NBAS: variants seen among roughly 807,000 people sequenced by gnomAD.
NBAS encodes the protein NAG/BC035112 fusion.
Under a neutral mutation model 302.5 loss-of-function variants are expected in NBAS, and 219 were observed. The ratio of observed to expected loss-of-function variants is 0.72; its 90% CI spans 0.65 to 0.81. The LOEUF (loss-of-function observed/expected upper bound fraction) is 0.81, where lower values mean the gene tolerates loss of function less well. Among genes scored for constraint, NBAS ranks in the 30% least tolerant of loss-of-function variants. The pLI is 0.00. For missense variants in NBAS, 2,932 were observed against 2,841.6 expected (o/e 1.03, Z -0.72); for synonymous variants, 1,118 against 1,021.6 (o/e 1.09, Z -1.80).
At chr2:15,280,021 GA>G (rs910842657) in intron 42 of NBAS, among the ~76,000 whole-genome samples, 1 of 152,102 alleles carries the variant, frequency 6.6e-6, no homozygotes, top group Non-Finnish European at 1.5e-5. Context: ...GATTTTTCCT[GA>G]ACCAAGTTTT....
intron 16 of NBAS, 22 bp downstream of exon 16, chr2:15,473,199 AT>A: frequency 6.2e-7 from 1 of 1,612,688 alleles, no homozygotes; most frequent in Non-Finnish European, 8.5e-7. Flanking sequence ...ATTTTACCAC[AT>A]TACCAAAATA....
chr2:15,073,053 A>C, the NBAS span, among the ~76,000 whole-genome samples: 1 of 152,250 alleles, frequency 6.6e-6, no homozygotes, highest in Non-Finnish European at 1.5e-5. Context: ...AGCCTGGGAA[A>C]ATGGAGGCCA....
intron 13 of NBAS, among the ~76,000 whole-genome samples, chr2:15,476,082 C>T (rs1255685424): frequency 6.6e-6 from 1 of 152,118 alleles, no homozygotes; most frequent in East Asian, 1.9e-4. Context: ...ATTCCCTTGA[C>T]AAATTGAGCG....
the NBAS span, among the ~76,000 whole-genome samples, chr2:14,812,908 A>G: frequency 6.6e-6 from 1 of 152,070 alleles, no homozygotes; most frequent in African/African-American, 2.4e-5. Flanking sequence ...ATGGTTTAGC[A>G]CCATCCCCCA....
intron 40 of NBAS, among the ~76,000 whole-genome samples, chr2:15,300,716 T>A (rs1242707481): frequency 6.6e-6 from 1 of 152,182 alleles, no homozygotes; most frequent in Non-Finnish European, 1.5e-5. Context: ...GTTGCCACAC[T>A]GAGCGGAGAG....
the NBAS span, among the ~76,000 whole-genome samples, chr2:15,109,082 A>C: frequency 6.6e-6 from 1 of 152,154 alleles, no homozygotes; most frequent in Non-Finnish European, 1.5e-5. Flanking sequence ...ACTTCGGCTA[A>C]TGTCCAGAAA....
chr2:15,374,368 A>G (rs1157922409), intron 31 of NBAS, among the ~76,000 whole-genome samples: 1 of 152,100 alleles, frequency 6.6e-6, no homozygotes, highest in African/African-American at 2.4e-5. Context: ...TACCGATGTT[A>G]TTTCTTTAAA....
At chr2:15,107,937 G>A in the NBAS span, among the ~76,000 whole-genome samples, 1 of 152,070 alleles carries the variant, frequency 6.6e-6, no homozygotes, top group Non-Finnish European at 1.5e-5. Context: ...GAATCATATA[G>A]TATCTGGTCT....
chr2:15,321,121 C>A (rs1352377683), intron 38 of NBAS, among the ~76,000 whole-genome samples: 2 of 152,138 alleles, frequency 1.3e-5, no homozygotes, highest in Non-Finnish European at 2.9e-5. Context: ...CTTTGACAAA[C>A]CTGACAAAAA....
chr2:15,184,634 T>C (rs1242803045), intron 50 of NBAS, among the ~76,000 whole-genome samples: 1 of 152,164 alleles, frequency 6.6e-6, no homozygotes, highest in Non-Finnish European at 1.5e-5. Flanking sequence ...CAGCTGTAAA[T>C]ACAGATGAAG....
chr2:15,287,136 C>T lies in NBAS; in HGVS notation c.5075G>A (p.Arg1692His), dbSNP rs757777200. ...VYSIAISLAQRYSVSRWEVFM... is the reference protein window; with the variant it reads ...VYSIAISLAQHYSVSRWEVFM... ...AACTTCCCAGCGGGAGACACTGTAA[C>T]GTTGTGCCAGAGAAATAGCAATGCT... Residue 1692 changes from arginine (R) to histidine (H), a missense_variant, in exon 42 of 52, where the codon CGT (arginine) becomes CAT (histidine). Coordinates refer to ENST00000281513, the MANE Select transcript of NBAS (RefSeq NM_015909.4). The T allele has an allele frequency of 1.4e-5, 23 of 1,614,064 alleles. No individual in the cohort carries two copies. The East Asian group carries it at 4.0e-4, about 28-fold the overall frequency.
the NBAS span, among the ~76,000 whole-genome samples, chr2:15,042,464 CAACA>C: frequency 6.6e-6 from 1 of 152,088 alleles, no homozygotes; most frequent in Admixed American, 6.5e-5. Context: ...GTGAAATGAA[CAACA>C]ATCAGGCTAA....
At chr2:15,102,524 T>C in the NBAS span, among the ~76,000 whole-genome samples, 30 of 152,336 alleles carry the variant, frequency 2.0e-4, no homozygotes, top group Non-Finnish European at 3.5e-4. Flanking sequence ...TGCTCTTATC[T>C]AAATTCCCCT....
rs530483614 is a variant in NBAS at position 15,238,674 on chromosome 2, C to T, written c.5737G>A (p.Ala1913Thr). The T allele has an allele frequency of 1.9e-6, 3 of 1,572,234 alleles. No homozygotes were observed. Among genetic ancestry groups the T allele is most frequent in the African/African-American group, 1.6e-5 (1 of 61,436 alleles). The change falls in exon 45 of 52, where the codon GCC (alanine) becomes ACC (threonine). Residue 1913 changes from alanine to threonine, a missense_variant. By Grantham distance (58) the Ala-to-Thr change is moderately conservative. Transcript: ENST00000281513. ...PKAVTKLSVE[A>T]RKEMTRKAIK... ...GCCTTTCTAGTCATCTCTTTACGGG[C>T]TTCCACAGACAGCTTAAAAAAAAGA... is the stretch of plus-strand genomic sequence containing the variant.
chr2:15,093,640 A>G, the NBAS span, among the ~76,000 whole-genome samples: 28 of 152,238 alleles, frequency 1.8e-4, no homozygotes, highest in African/African-American at 6.5e-4. Flanking sequence ...AAGGAACTTT[A>G]TCAGTGTTAT....
chr2:15,499,427 A>C (rs561697839), intron 11 of NBAS, among the ~76,000 whole-genome samples: 1 of 152,238 alleles, frequency 6.6e-6, no homozygotes, highest in African/African-American at 2.4e-5. Context: ...TGCAGCCCTA[A>C]AAAAGAACAA....
chr2:15,369,337 A>G (rs965747534), intron 31 of NBAS, among the ~76,000 whole-genome samples: 1 of 152,130 alleles, frequency 6.6e-6, no homozygotes. Context: ...GAAACCACAC[A>G]TAGCAATGGA....
the NBAS span, among the ~76,000 whole-genome samples, chr2:15,046,605 T>C: frequency 2.0e-5 from 3 of 152,204 alleles, no homozygotes; most frequent in Non-Finnish European, 4.4e-5. Flanking sequence ...TCTATTTTTA[T>C]TTTATATATT....
At chr2:14,797,799 G>A in the NBAS span, among the ~76,000 whole-genome samples, 2 of 152,176 alleles carry the variant, frequency 1.3e-5, no homozygotes, top group African/African-American at 4.8e-5. Context: ...GCCTGGAGCC[G>A]AGCGAGGCCC....
Sources: allele counts gnomAD v4.1 joint callset (sites outside exome capture counted in the v4.1 genomes callset), GRCh38; gene constraint gnomAD v4.1.1; transcripts MANE v1.5; gene names NCBI Gene and HGNC (gene_info 2026-07-23, HGNC 2026-07-21).